Variants in COL19A1 observed in about 807,000 individuals in gnomAD.
The protein encoded by COL19A1 is collagen type XIX alpha 1 chain, also known as collagen alpha-1(XIX) chain.
In COL19A1, 159 loss-of-function variants were observed where a neutral mutation model predicts 190.2. The ratio of observed to expected loss-of-function variants is 0.84; its 90% CI spans 0.73 to 0.95. The LOEUF (loss-of-function observed/expected upper bound fraction) is 0.95, where lower values mean the gene tolerates loss of function less well. Among genes scored for constraint, COL19A1 ranks in the 40% least tolerant of loss-of-function variants. The pLI is 0.00. For synonymous variants in COL19A1, 509 were observed against 458.9 expected (o/e 1.11, Z -1.39); for missense variants, 1,418 against 1,431.9 (o/e 0.99, Z 0.16).
chr6:70,066,837 T>G (rs1781250102), intron 14 of COL19A1, among the ~76,000 whole-genome samples: 1 of 152,096 alleles, frequency 6.6e-6, no homozygotes, highest in South Asian at 2.1e-4. Flanking sequence ...GCATTTGTAT[T>G]ATCAGATTTT....
rs181751920 is a variant in COL19A1 at position 69,877,967 on chromosome 6, C to T, written c.-32-1569C>T. 8.5e-3 allele frequency among the ~76,000 whole-genome samples: 1,285 copies of T among 151,846 alleles called. 8 individuals carry two copies. Among genetic ancestry groups the T allele is most frequent in the Non-Finnish European group, 0.014 (975 of 67,922 alleles). The stretch of plus-strand genomic sequence containing the variant: ...TGGAGGTTGCAGTGAGCCGAGATCG[C>T]GCCACTGCACTCTAGCCTGGGCTAC... On this transcript the variant is annotated intron_variant, in intron 1 of 50. Coordinates refer to ENST00000620364, the MANE Select transcript of COL19A1 (RefSeq NM_001858.6).
At chr6:69,950,982 G>A (rs1774093192) in intron 9 of COL19A1, among the ~76,000 whole-genome samples, 1 of 151,782 alleles carries the variant, frequency 6.6e-6, no homozygotes, top group South Asian at 2.1e-4. Flanking sequence ...TAATGTGATA[G>A]TAAAAATTGA....
chr6:69,937,555 C>T (rs76861212), intron 8 of COL19A1, among the ~76,000 whole-genome samples: 1 of 152,022 alleles, frequency 6.6e-6, no homozygotes, highest in Non-Finnish European at 1.5e-5. Context: ...TTCCAGTGCC[C>T]ATACCTGAGG....
chr6:70,156,116 A>G lies in COL19A1; in HGVS notation c.2080-11A>G. 2 of 1,611,196 alleles carry G rather than the reference A, an allele frequency of 1.2e-6. No homozygotes were observed. The highest frequency in any genetic ancestry group is 1.7e-4 in the Middle Eastern group (1 of 5,912). The stretch of plus-strand genomic sequence containing the variant: ...TGACTCCCTCAGTAACCTTATCTTT[A>G]TACTCATTAGAATTTCTGTGGCAAC... On this transcript the variant is annotated splice_polypyrimidine_tract_variant and intron_variant, in intron 31 of 50. Coordinates refer to ENST00000620364, the MANE Select transcript of COL19A1 (RefSeq NM_001858.6).
intron 15 of COL19A1, among the ~76,000 whole-genome samples, chr6:70,096,979 T>C (rs3793053): frequency 0.17 from 26,245 of 151,976 alleles, 3,060 homozygotes; most frequent in African/African-American, 0.29. Flanking sequence ...TAAATACATG[T>C]TTCATTTGTG....
intron 11 of COL19A1, among the ~76,000 whole-genome samples, chr6:69,997,451 A>T (rs1241904954): frequency 6.6e-6 from 1 of 152,248 alleles, no homozygotes; most frequent in Non-Finnish European, 1.5e-5. Context: ...CTTTACAGAA[A>T]TATTGTAAAT....
At chr6:70,202,442 T>C (rs1490206207) in intron 49 of COL19A1, among the ~76,000 whole-genome samples, 1 of 152,244 alleles carries the variant, frequency 6.6e-6, no homozygotes, top group African/African-American at 2.4e-5. Flanking sequence ...AAAAACTTTG[T>C]TCCACTTAGG....
chr6:70,184,863 T>C lies in COL19A1; in HGVS notation c.2812-8T>C, dbSNP rs373502666. On this transcript the variant is annotated splice_region_variant and splice_polypyrimidine_tract_variant and intron_variant, in intron 45 of 50. Coordinates refer to ENST00000620364, the MANE Select transcript of COL19A1 (RefSeq NM_001858.6). ...GGAGTGATTTTCATGTTGACATCTG[T>C]TTTTCAGGGCATCATGGGTAAGCCT... 72 of 1,613,004 alleles carry C rather than the reference T, an allele frequency of 4.5e-5. No homozygotes were observed. The highest frequency in any genetic ancestry group is 5.8e-5 in the Non-Finnish European group (68 of 1,179,552).
At chr6:70,072,574 T>C (rs1446362639) in intron 15 of COL19A1, among the ~76,000 whole-genome samples, 2 of 152,198 alleles carry the variant, frequency 1.3e-5, no homozygotes, top group East Asian at 3.9e-4. Context: ...ATTTATCCTC[T>C]CTGCCTGTGC....
At chr6:69,931,477 A>G (rs1772756822) in intron 6 of COL19A1, among the ~76,000 whole-genome samples, 1 of 152,170 alleles carries the variant, frequency 6.6e-6, no homozygotes, top group Non-Finnish European at 1.5e-5. Context: ...ACCTGGTACA[A>G]TGGATGGTAC....
intron 14 of COL19A1, among the ~76,000 whole-genome samples, chr6:70,055,708 G>T (rs976039398): frequency 6.7e-6 from 1 of 150,072 alleles, no homozygotes; most frequent in South Asian, 2.1e-4. Context: ...CTTGAACTTG[G>T]GAGGCAGAAG....
At chr6:70,102,050 G>A (rs1443463842) in intron 15 of COL19A1, 119 bp from the exon 16 acceptor site, 1 of 869,724 alleles carries the variant, frequency 1.1e-6, no homozygotes, top group African/African-American at 1.7e-5. Flanking sequence ...TGTGGAATTG[G>A]AATTGTTTCT....
At chr6:70,166,880 G>A (rs1765193498) in intron 37 of COL19A1, among the ~76,000 whole-genome samples, 1 of 152,162 alleles carries the variant, frequency 6.6e-6, no homozygotes, top group Non-Finnish European at 1.5e-5. Flanking sequence ...TCCTTCCCCC[G>A]TGGGCAGAAC....
At position 70,207,175 on chromosome 6, in the gene COL19A1, C is replaced by T. The variant is rs1333849748; in HGVS notation, c.3330C>T (p.Ala1110=). ...TGGGTTTGCCAGGCTCACCAGGTGCCCCAGGCCCACAGGGCCCCCCAGGAC... is the reference window on the plus strand; with the variant it reads ...TGGGTTTGCCAGGCTCACCAGGTGCTCCAGGCCCACAGGGCCCCCCAGGAC... ...SALGLPGSPG[A]PGPQGPPGPS... is the part of the protein sequence containing the mutation. Residue 1110 remains alanine, a synonymous_variant, in exon 51 of 51, where the codon GCC becomes GCT. Transcript: ENST00000620364. The T allele has an allele frequency of 6.2e-7, 1 of 1,613,700 alleles. No individual in the cohort carries two copies. The highest frequency in any genetic ancestry group is 8.5e-7 in the Non-Finnish European group (1 of 1,179,788).
chr6:70,082,813 A>AAGAT (rs1396484694), intron 15 of COL19A1, among the ~76,000 whole-genome samples: 1 of 152,192 alleles, frequency 6.6e-6, no homozygotes, highest in African/African-American at 2.4e-5. Flanking sequence ...ACTGGGGTTG[A>AAGAT]AGATAGGGTT....
chr6:70,056,224 ATGTTT>A (rs1780498036), intron 14 of COL19A1, among the ~76,000 whole-genome samples: 1 of 152,154 alleles, frequency 6.6e-6, no homozygotes, highest in Non-Finnish European at 1.5e-5. Context: ...ACATCTAAAA[ATGTTT>A]TGTTTTGTTT....
chr6:69,961,340 G>A (rs2150045617), intron 10 of COL19A1, among the ~76,000 whole-genome samples: 1 of 152,334 alleles, frequency 6.6e-6, no homozygotes, highest in African/African-American at 2.4e-5. Context: ...GCAAGCTTCT[G>A]AATTTCTTCA....
At chr6:70,102,983 G>A (rs1783730036) in intron 16 of COL19A1, among the ~76,000 whole-genome samples, 1 of 151,976 alleles carries the variant, frequency 6.6e-6, no homozygotes, top group Non-Finnish European at 1.5e-5. Context: ...TATGCCTGGG[G>A]CCATCTTTTT....
At chr6:70,121,774 C>A in intron 16 of COL19A1, 106 bp from the exon 17 acceptor site, 1 of 707,088 alleles carries the variant, frequency 1.4e-6, no homozygotes, top group South Asian at 1.9e-5. Flanking sequence ...ATAGACAAGT[C>A]CTTTTTCTTC....
Sources: allele counts gnomAD v4.1 joint callset (sites outside exome capture counted in the v4.1 genomes callset), GRCh38; gene constraint gnomAD v4.1.1; transcripts MANE v1.5; gene names NCBI Gene and HGNC (gene_info 2026-07-23, HGNC 2026-07-21).